Variants in NR3C2 observed in about 807,000 individuals in gnomAD.
NR3C2 encodes the protein nuclear receptor subfamily 3 group C member 2.
Under a neutral mutation model 86.4 loss-of-function variants are expected in NR3C2, and 15 were observed. That is an observed-to-expected ratio of 0.17 (90% CI 0.12 to 0.27). NR3C2 has a LOEUF of 0.27. NR3C2 is among the 10% of genes least tolerant of loss of function. The pLI, the probability that NR3C2 is intolerant of heterozygous loss-of-function variation, is 1.00. For synonymous variants in NR3C2, 458 were observed against 450.5 expected, an observed-to-expected ratio of 1.02 and a Z score of -0.21; for missense variants, 960 against 1,195.6, an observed-to-expected ratio of 0.80 and a Z score of 2.91.
chr4:148,418,619 A>G (rs1749122961), intron 2 of NR3C2, among the ~76,000 whole-genome samples: 1 of 152,132 alleles, frequency 6.6e-6, no homozygotes, highest in Non-Finnish European at 1.5e-5. Flanking sequence ...GTAATTATTT[A>G]CCCATTGTAG....
chr4:148,420,871 C>T (rs1560724268), intron 2 of NR3C2, among the ~76,000 whole-genome samples: 1 of 152,174 alleles, frequency 6.6e-6, no homozygotes, highest in East Asian at 1.9e-4. Context: ...TGCCTGGCTC[C>T]CCTTTCACCT....
intron 2 of NR3C2, among the ~76,000 whole-genome samples, chr4:148,338,644 G>A (rs776176345): frequency 6.6e-5 from 10 of 152,162 alleles, no homozygotes; most frequent in Non-Finnish European, 1.2e-4. Flanking sequence ...CCTTGGTCAC[G>A]GCACAAAGGA....
At position 148,321,526 on chromosome 4, in the gene NR3C2, G is replaced by A. The variant is rs1231850940; in HGVS notation, c.1758-61409C>T. On this transcript the variant is annotated intron_variant, in intron 2 of 8. Coordinates refer to ENST00000358102, the MANE Select transcript of NR3C2 (RefSeq NM_000901.5). ...GTGTGGGAGTCTAAGTCTCTTTGTA[G>A]GTCACTCAGGACTTGCTTCATGAAT... 8.5e-5 allele frequency among the ~76,000 whole-genome samples: 13 copies of A among 152,118 alleles called. 1 individual carries two copies. Among genetic ancestry groups the A allele is most frequent in the Middle Eastern group, 6.8e-3 (2 of 294 alleles).
At chr4:148,178,932 T>TAAAAAAAAAAAAAAAAAAAAAAAAAAAA (rs58576220) in intron 4 of NR3C2, among the ~76,000 whole-genome samples, 1 of 95,312 alleles carries the variant, frequency 1.0e-5, no homozygotes, top group African/African-American at 3.6e-5. Context: ...AAGAAGCAGG[T>TAAAAAAAAAAAAAAAAAAAAAAAAAAAA]AAAAAAAAAA....
At chr4:148,152,690 C>A (rs1734157388) in intron 5 of NR3C2, 77 bp from the exon 6 acceptor site, 1 of 1,367,748 alleles carries the variant, frequency 7.3e-7, no homozygotes, top group Admixed American at 1.7e-5. Context: ...CTTAAGTCAA[C>A]CCCAAACAGC....
At chr4:148,228,538 A>T (rs1467603000) in intron 3 of NR3C2, among the ~76,000 whole-genome samples, 2 of 152,208 alleles carry the variant, frequency 1.3e-5, no homozygotes, top group Non-Finnish European at 1.5e-5. Flanking sequence ...ATATATATAA[A>T]TATCTCCATT....
chr4:148,285,989 A>T (rs1467646033), intron 2 of NR3C2, among the ~76,000 whole-genome samples: 5 of 152,248 alleles, frequency 3.3e-5, no homozygotes, highest in Admixed American at 6.5e-5. Context: ...ATATGTGTTT[A>T]AAAAGACAAT....
At chr4:148,274,497 T>C (rs575835157) in intron 2 of NR3C2, among the ~76,000 whole-genome samples, 3 of 152,028 alleles carry the variant, frequency 2.0e-5, no homozygotes, top group Non-Finnish European at 4.4e-5. Flanking sequence ...TGAGTTCTCA[T>C]GAGAGCTGAT....
chr4:148,129,905 T>C (rs532583136), intron 6 of NR3C2, among the ~76,000 whole-genome samples: 4 of 152,176 alleles, frequency 2.6e-5, no homozygotes, highest in Admixed American at 1.3e-4. Flanking sequence ...GCCTATACTT[T>C]GAGATCGATT....
intron 2 of NR3C2, among the ~76,000 whole-genome samples, chr4:148,400,683 CAGG>C (rs1748110043): frequency 6.9e-6 from 1 of 145,896 alleles, no homozygotes; most frequent in Admixed American, 7.2e-5. Context: ...GGAGAATAGG[CAGG>C]AGAACTGCAT....
At chr4:148,400,266 T>C (rs1748076939) in intron 2 of NR3C2, among the ~76,000 whole-genome samples, 2 of 152,128 alleles carry the variant, frequency 1.3e-5, no homozygotes, top group African/African-American at 2.4e-5. Context: ...GGGAGCTGGG[T>C]TGGAAACACA....
chr4:148,366,353 T>C (rs2126344303), intron 2 of NR3C2, among the ~76,000 whole-genome samples: 1 of 16,466 alleles, frequency 6.1e-5, no homozygotes, highest in South Asian at 2.0e-3. Flanking sequence ...GCAGAACCTG[T>C]CATAGCTCTA....
intron 2 of NR3C2, among the ~76,000 whole-genome samples, chr4:148,308,433 T>C (rs1463156975): frequency 6.6e-6 from 1 of 152,050 alleles, no homozygotes; most frequent in African/African-American, 2.4e-5. Flanking sequence ...AGTTGATGTA[T>C]TTACTCTAAA....
chr4:148,341,351 G>A (rs1049387213), intron 2 of NR3C2, among the ~76,000 whole-genome samples: 1 of 152,080 alleles, frequency 6.6e-6, no homozygotes, highest in African/African-American at 2.4e-5. Context: ...AAATAAGCCA[G>A]GAACAGAAAG....
intron 4 of NR3C2, among the ~76,000 whole-genome samples, chr4:148,178,932 T>TA (rs58576220): frequency 0.13 from 11,980 of 95,012 alleles, 730 homozygotes; most frequent in South Asian, 0.21. Flanking sequence ...AAGAAGCAGG[T>TA]AAAAAAAAAA....
intron 2 of NR3C2, among the ~76,000 whole-genome samples, chr4:148,394,844 G>A (rs1747778535): frequency 6.6e-6 from 1 of 152,116 alleles, no homozygotes; most frequent in African/African-American, 2.4e-5. Context: ...AGATGGAAAT[G>A]AACTTATAGA....
chr4:148,242,537 G>A (rs1266031209), intron 3 of NR3C2, among the ~76,000 whole-genome samples: 1 of 152,170 alleles, frequency 6.6e-6, no homozygotes, highest in Non-Finnish European at 1.5e-5. Flanking sequence ...CTTGATTCCT[G>A]TGGGCCCTGA....
intron 2 of NR3C2, among the ~76,000 whole-genome samples, chr4:148,287,531 T>C (rs1328668613): frequency 1.3e-5 from 2 of 152,240 alleles, no homozygotes; most frequent in African/African-American, 4.8e-5. Flanking sequence ...ATGAGTGGGC[T>C]GATTTGGAAT....
At position 148,239,867 on chromosome 4, in the gene NR3C2, C is replaced by G. The variant is rs193019188; in HGVS notation, c.1897+20111G>C. 1.8e-3 allele frequency among the ~76,000 whole-genome samples: 274 copies of G among 152,124 alleles called. 2 individuals are homozygous for G. The highest frequency in any genetic ancestry group is 6.1e-3 in the African/African-American group (252 of 41,498). On this transcript the variant is annotated intron_variant, in intron 3 of 8. Transcript: ENST00000358102. ...TTTTCAAGTGGTTTTCCTCGGTGGT[C>G]AAACTTTGGAAGCTTCAGAGAACAC...
Sources: allele counts gnomAD v4.1 joint callset (sites outside exome capture counted in the v4.1 genomes callset), GRCh38; gene constraint gnomAD v4.1.1; transcripts MANE v1.5; gene names NCBI Gene and HGNC (gene_info 2026-07-23, HGNC 2026-07-21).